The following COL17A1 variants were observed in gnomAD, a reference collection of about 807,000 sequenced individuals.
COL17A1 encodes the protein collagen alpha-1(XVII) chain.
A neutral mutation model predicts 218.4 loss-of-function variants in COL17A1; 181 were observed. The ratio of observed to expected loss-of-function variants is 0.83; its 90% CI spans 0.73 to 0.94. The LOEUF (loss-of-function observed/expected upper bound fraction) is 0.94, where lower values mean the gene tolerates loss of function less well. Ranked by LOEUF, COL17A1 falls within the 40% of genes least tolerant of loss-of-function variation. COL17A1 has a pLI of 0.00. For missense variants in COL17A1, 1,924 were observed against 1,945.9 expected (o/e 0.99, Z 0.21); for synonymous variants, 721 against 731.0 (o/e 0.99, Z 0.22).
rs1410246017 is a variant in COL17A1 at position 104,031,539 on chromosome 10, T to A, written c.*696A>T. 1 of 152,344 alleles carries A rather than the reference T, an allele frequency of 6.6e-6. No homozygotes were observed. Among genetic ancestry groups the A allele is most frequent in the Non-Finnish European group, 1.5e-5 (1 of 68,114 alleles). 9.4% of individuals were successfully genotyped at this position (152,344 alleles called of 1,614,324 possible). ...TTGTCCATTGCCCTCAACCTTCTTT[T>A]TCTGTTTGCTCTGGCCTGGTTCAGT... On this transcript the variant is annotated 3_prime_UTR_variant, in exon 56 of 56. Transcript: ENST00000648076.
chr10:104,039,776 A>G, intron 41 of COL17A1, 136 bp from the exon 42 acceptor site: 3 of 1,012,644 alleles, frequency 3.0e-6, no homozygotes, highest in African/African-American at 2.1e-5. Context: ...CCACACACAC[A>G]CACACACACA....
chr10:104,059,318 T>A (rs2086560443), intron 15 of COL17A1: 1 of 397,692 alleles, frequency 2.5e-6, no homozygotes, highest in African/African-American at 2.0e-5. Flanking sequence ...AACAACTGCT[T>A]TGCAAAGCAT....
At chr10:104,036,973 G>A in intron 47 of COL17A1, 72 bp downstream of exon 47, 1 of 1,383,096 alleles carries the variant, frequency 7.2e-7, no homozygotes, top group Non-Finnish European at 1.0e-6. Context: ...ACGAGGACAA[G>A]GTTTGCATGA....
chr10:104,044,835 T>C (rs933758132), intron 33 of COL17A1, among the ~76,000 whole-genome samples: 7 of 152,118 alleles, frequency 4.6e-5, no homozygotes, highest in Admixed American at 4.6e-4. Context: ...TTACAAAAGG[T>C]ACCATCCATT....
chr10:104,059,789 C>T (rs1278525237), intron 14 of COL17A1, 71 bp from the exon 15 acceptor site: 22 of 1,492,304 alleles, frequency 1.5e-5, no homozygotes, highest in Non-Finnish European at 1.7e-5. Flanking sequence ...GTGTTCCCCC[C>T]GCCCTTGCCC....
chr10:104,047,988 T>G, intron 30 of COL17A1, 81 bp downstream of exon 30: 1 of 1,545,722 alleles, frequency 6.5e-7, no homozygotes, highest in Non-Finnish European at 8.9e-7. Context: ...CTCTGCACTA[T>G]GGTTAAGGGG....
In COL17A1 at chr10:104,036,581, G is replaced by A. The variant is rs1461013207; in HGVS notation, c.3329C>T (p.Pro1110Leu). The A allele has an allele frequency of 3.7e-6, 6 of 1,613,844 alleles. No homozygotes were observed. The highest frequency in any genetic ancestry group is 3.3e-5 in the South Asian group (3 of 91,084). The stretch of plus-strand genomic sequence containing the variant: ...TCCACTGGCTCCTGGTGGCCCTGGC[G>A]GACCCCGAGGGCCCATCAAGTACTG... ...LRQYLMGPRG[P>L]PGPPGASGDG... Residue 1110 changes from proline to leucine, a missense_variant, in exon 48 of 56, where the codon CCG becomes CTG. By Grantham distance (98) the Pro-to-Leu change is moderately conservative (BLOSUM62 -3). Coordinates refer to ENST00000648076, the MANE Select transcript of COL17A1 (RefSeq NM_000494.4).
chr10:104,055,721 C>T, intron 18 of COL17A1, 61 bp downstream of exon 18: 1 of 1,602,004 alleles, frequency 6.2e-7, no homozygotes, highest in Non-Finnish European at 8.5e-7. Flanking sequence ...ACACATACCA[C>T]ATAGATGCAA....
intron 10 of COL17A1, 95 bp downstream of exon 10, chr10:104,064,343 C>A: frequency 6.3e-7 from 1 of 1,595,590 alleles, no homozygotes; most frequent in Non-Finnish European, 8.5e-7. Flanking sequence ...CCAGGAGGCC[C>A]TGAGGATGGC....
intron 17 of COL17A1, 53 bp from the exon 18 acceptor site, chr10:104,056,056 C>T: frequency 1.3e-6 from 2 of 1,599,490 alleles, no homozygotes; most frequent in Non-Finnish European, 1.7e-6. Flanking sequence ...CTTCGCCTTC[C>T]ATACACTCGC....
chr10:104,080,442 T>C (rs898020215), intron 2 of COL17A1, among the ~76,000 whole-genome samples, 180 bp downstream of exon 2: 1 of 152,212 alleles, frequency 6.6e-6, no homozygotes, highest in Non-Finnish European at 1.5e-5. Flanking sequence ...AAGCAGGATA[T>C]CTTTTGACAT....
intron 9 of COL17A1, among the ~76,000 whole-genome samples, chr10:104,069,040 T>C (rs1388899832): frequency 6.6e-6 from 1 of 152,212 alleles, no homozygotes; most frequent in Non-Finnish European, 1.5e-5. Flanking sequence ...TATGGGTGTA[T>C]AGGGATCTAT....
rs1421022279 is a variant in COL17A1 at position 104,039,678 on chromosome 10, T to C, written c.2789-38A>G. 2 of 1,613,910 alleles carry C rather than the reference T, an allele frequency of 1.2e-6. 1 individual carries two copies. The highest frequency in any genetic ancestry group is 2.2e-5 in the South Asian group (2 of 91,066). ...CCAAGGGAGGGACAGTCAGCCTCACTTTTCTCACCCACTAACAGCCCTGTA... is the reference window on the plus strand; with the variant it reads ...CCAAGGGAGGGACAGTCAGCCTCACCTTTCTCACCCACTAACAGCCCTGTA... On this transcript the variant is annotated intron_variant, in intron 41 of 55. Transcript: ENST00000648076.
intron 15 of COL17A1, among the ~76,000 whole-genome samples, chr10:104,058,474 T>C (rs966645532): frequency 6.6e-6 from 1 of 152,206 alleles, no homozygotes; most frequent in Non-Finnish European, 1.5e-5. Flanking sequence ...CACCAAGTTA[T>C]GGGTGCCGCT....
chr10:104,055,363 T>C lies in COL17A1; in HGVS notation c.1717+9A>G, dbSNP rs1454291758. On this transcript the variant is annotated intron_variant, in intron 19 of 55. Transcript: ENST00000648076. Reference sequence around the variant, plus strand: ...TGAATCAGAGACAAGGTTCAATCCATGGCAATACCTTTAGGGCCAGGGCTT... The same window carrying C: ...TGAATCAGAGACAAGGTTCAATCCACGGCAATACCTTTAGGGCCAGGGCTT... The C allele has an allele frequency of 3.1e-6, 5 of 1,613,768 alleles. No individual in the cohort carries two copies. The highest frequency in any genetic ancestry group is 4.2e-6 in the Non-Finnish European group (5 of 1,180,020).
At position 104,043,577 on chromosome 10, in the gene COL17A1, C is replaced by T. The variant is rs774874798; in HGVS notation, c.2439G>A (p.Gly813=). The T allele has an allele frequency of 5.6e-6, 9 of 1,613,848 alleles. No individual in the cohort carries two copies. In the Admixed American group the frequency reaches 1.0e-4, roughly 18 times the overall value. ...GAPGKIVTSE[G]SSMLTVPGPP... Reference sequence around the variant, plus strand: ...GGCCTGGGACAGTGAGCATCGATGACCCCTCTGAAAACAGAAGGCACATGG... The same window carrying T: ...GGCCTGGGACAGTGAGCATCGATGATCCCTCTGAAAACAGAAGGCACATGG... Residue 813 remains glycine, a synonymous_variant, in exon 35 of 56, where the codon GGG becomes GGA. Coordinates refer to ENST00000648076, the MANE Select transcript of COL17A1 (RefSeq NM_000494.4).
chr10:104,039,837 A>G, intron 41 of COL17A1, 136 bp downstream of exon 41: 1 of 1,341,444 alleles, frequency 7.5e-7, no homozygotes, highest in Admixed American at 1.7e-5. Flanking sequence ...ACACTCAACC[A>G]TTCCTAGAGA....
chr10:104,069,979 G>A (rs2086656146), intron 9 of COL17A1, among the ~76,000 whole-genome samples: 1 of 152,150 alleles, frequency 6.6e-6, no homozygotes, highest in African/African-American at 2.4e-5. Flanking sequence ...AACACTTAAA[G>A]CTAACTCTAA....
chr10:104,037,709 T>TCCTGGGGGACCAGGTGGG lies in COL17A1; in HGVS notation c.3117_3134dup (p.Pro1041_Pro1046dup). 1 of 1,614,168 alleles carries TCCTGGGGGACCAGGTGGG rather than the reference T, an allele frequency of 6.2e-7. No individual in the cohort carries two copies. Among genetic ancestry groups the TCCTGGGGGACCAGGTGGG allele is most frequent in the Non-Finnish European group, 8.5e-7 (1 of 1,180,014 alleles). On this transcript the variant is annotated inframe_insertion, in exon 46 of 56. Transcript: ENST00000648076. ...TCTCGCCTGTGATGGTGGTGACAGG[T>TCCTGGGGGACCAGGTGGG]CCTGGGGGACCAGGTGGGCCTGGGG...
Sources: gnomAD v4.1 joint callset for allele counts (sites outside exome capture counted in the v4.1 genomes callset) on GRCh38, gnomAD v4.1.1 for gene constraint, MANE v1.5 for transcripts, NCBI Gene and HGNC (gene_info 2026-07-23, HGNC 2026-07-21) for gene names.